The following SERPINI1 variants were observed in gnomAD, a reference collection of about 807,000 sequenced individuals.
SERPINI1 encodes neuroserpin.
SERPINI1 carries 19 observed loss-of-function variants against 41.1 expected under a neutral mutation model. That is an observed-to-expected ratio of 0.46 (90% CI 0.32 to 0.68). The LOEUF (loss-of-function observed/expected upper bound fraction) is 0.68. SERPINI1 is among the 30% of genes least tolerant of loss of function. The pLI is 0.03. For missense variants in SERPINI1, 460 were observed against 479.2 expected (o/e 0.96, Z 0.37); for synonymous variants, 138 against 156.6 (o/e 0.88, Z 0.89).
rs556987300 is a variant in SERPINI1, at chr3:167,780,844, C to G, written c.-18-8267C>G. ...AGGAAAACTACTGTGAGAGGCAGGACCAATGGAAACAATTCAACTGAGCGA... is the reference window on the plus strand; with the variant it reads ...AGGAAAACTACTGTGAGAGGCAGGAGCAATGGAAACAATTCAACTGAGCGA... On this transcript the variant is annotated intron_variant, in intron 1 of 8. Coordinates refer to ENST00000446050, the MANE Select transcript of SERPINI1 (RefSeq NM_001122752.2). Among the ~76,000 whole-genome samples, 5 of 152,128 alleles carry G rather than the reference C, an allele frequency of 3.3e-5. No individual in the cohort carries two copies. The South Asian group carries it at 6.2e-4, about 19-fold the overall frequency.
intron 1 of SERPINI1, among the ~76,000 whole-genome samples, chr3:167,771,952 T>G (rs1373072922): frequency 6.6e-6 from 1 of 152,230 alleles, no homozygotes; most frequent in Non-Finnish European, 1.5e-5. Flanking sequence ...CCTCTAAATA[T>G]CATCCAACAT....
chr3:167,808,274 T>C (rs896107654), intron 6 of SERPINI1, among the ~76,000 whole-genome samples: 2 of 123,718 alleles, frequency 1.6e-5, no homozygotes, highest in Non-Finnish European at 3.4e-5. Flanking sequence ...TCAAATACCC[T>C]ATTTTTTTCA....
intron 1 of SERPINI1, among the ~76,000 whole-genome samples, chr3:167,751,565 GA>G (rs1450948572): frequency 6.6e-6 from 1 of 152,090 alleles, no homozygotes; most frequent in Non-Finnish European, 1.5e-5. Context: ...TAAGCCAGAT[GA>G]AAAATTTGAG....
At chr3:167,747,481 G>A (rs954795740) in intron 1 of SERPINI1, among the ~76,000 whole-genome samples, 24 of 152,050 alleles carry the variant, frequency 1.6e-4, no homozygotes, top group African/African-American at 5.6e-4. Flanking sequence ...TGTTTCTACT[G>A]AAAATACAGA....
chr3:167,756,461 CTTTGTT>C (rs1046079109), intron 1 of SERPINI1, among the ~76,000 whole-genome samples: 11 of 152,118 alleles, frequency 7.2e-5, no homozygotes, highest in South Asian at 2.1e-4. Context: ...CCACATTCAT[CTTTGTT>C]TTTGTTTTTG....
At chr3:167,769,007 T>G (rs1241076447) in intron 1 of SERPINI1, among the ~76,000 whole-genome samples, 1 of 151,862 alleles carries the variant, frequency 6.6e-6, no homozygotes, top group Non-Finnish European at 1.5e-5. Flanking sequence ...TTTGTTTGTT[T>G]GTTTTGAGAT....
At chr3:167,823,884 A>G (rs1252413671) in intron 7 of SERPINI1, among the ~76,000 whole-genome samples, 2 of 152,196 alleles carry the variant, frequency 1.3e-5, no homozygotes, top group Admixed American at 1.3e-4. Context: ...CAGCAAGTAT[A>G]TATCATCTTA....
In SERPINI1 at chr3:167,769,239, G is replaced by A. The variant is rs371168766; in HGVS notation, c.-18-19872G>A. ...AATCTCTTGACCTTGTGATCCACCCGCCTTGGCCTCTCAAAGTGCTGGGAT... is the reference window on the plus strand; with the variant it reads ...AATCTCTTGACCTTGTGATCCACCCACCTTGGCCTCTCAAAGTGCTGGGAT... On this transcript the variant is annotated intron_variant, in intron 1 of 8. Coordinates refer to ENST00000446050, the MANE Select transcript of SERPINI1 (RefSeq NM_001122752.2). Among the ~76,000 whole-genome samples, 81 of 152,136 alleles carry A rather than the reference G, an allele frequency of 5.3e-4. 1 individual carries two copies. The highest frequency in any genetic ancestry group is 2.3e-3 in the South Asian group (11 of 4,820).
At chr3:167,762,803 A>G (rs1412757020) in intron 1 of SERPINI1, among the ~76,000 whole-genome samples, 2 of 151,972 alleles carry the variant, frequency 1.3e-5, no homozygotes, top group Non-Finnish European at 2.9e-5. Context: ...TCACATTCTA[A>G]TATTCTACAT....
At chr3:167,779,526 C>T (rs917772775) in intron 1 of SERPINI1, among the ~76,000 whole-genome samples, 4 of 152,166 alleles carry the variant, frequency 2.6e-5, no homozygotes, top group African/African-American at 9.7e-5. Context: ...TTTTCTACAA[C>T]ATAGAGAGTT....
chr3:167,738,661 T>G (rs1238385680), intron 1 of SERPINI1, among the ~76,000 whole-genome samples: 3 of 151,908 alleles, frequency 2.0e-5, no homozygotes, highest in Non-Finnish European at 2.9e-5. Flanking sequence ...TAAGTAAAAT[T>G]GAATATTCAA....
chr3:167,798,515 A>G (rs989497080), intron 5 of SERPINI1, among the ~76,000 whole-genome samples: 1 of 152,192 alleles, frequency 6.6e-6, no homozygotes, highest in Non-Finnish European at 1.5e-5. Flanking sequence ...GTAATGATTT[A>G]TGTGACCCAT....
intron 1 of SERPINI1, among the ~76,000 whole-genome samples, chr3:167,758,412 G>A (rs979371517): frequency 3.3e-5 from 5 of 152,074 alleles, no homozygotes; most frequent in East Asian, 1.9e-4. Context: ...AAATAATTTC[G>A]ATACATAAGT....
intron 6 of SERPINI1, among the ~76,000 whole-genome samples, chr3:167,816,017 A>C (rs1161535166): frequency 6.6e-6 from 1 of 152,058 alleles, no homozygotes. Flanking sequence ...TTATTGTCTT[A>C]TGTTTTATTT....
rs772917469 is a variant in SERPINI1, at chr3:167,794,813, A to T, written c.870A>T (p.Val290=). 6.2e-7 allele frequency: 1 copy of T among 1,612,944 alleles called. No homozygotes were observed. Among genetic ancestry groups the T allele is most frequent in the Non-Finnish European group, 8.5e-7 (1 of 1,179,700 alleles). The change falls in exon 5 of 9, where the codon GTA becomes GTT. Residue 290 remains valine, a synonymous_variant. Coordinates refer to ENST00000446050, the MANE Select transcript of SERPINI1 (RefSeq NM_001122752.2). ...CTGTGAAGAAGCAAAAAGTAGAAGT[A>T]TACCTGCCCAGGTATGAGGTTCCTG... The part of the protein sequence containing the change: ...ANSVKKQKVE[V]YLPRFTVEQE...
At chr3:167,781,537 A>C (rs1267553028) in intron 1 of SERPINI1, among the ~76,000 whole-genome samples, 2 of 151,464 alleles carry the variant, frequency 1.3e-5, no homozygotes, top group Non-Finnish European at 2.9e-5. Context: ...AGGAATTACT[A>C]GTCCTTTACA....
chr3:167,773,560 C>T (rs191858577), intron 1 of SERPINI1, among the ~76,000 whole-genome samples: 2 of 152,230 alleles, frequency 1.3e-5, no homozygotes, highest in Non-Finnish European at 2.9e-5. Flanking sequence ...TTTGATAGAG[C>T]CTTTTTAAAA....
chr3:167,816,041 A>G (rs887604108), intron 6 of SERPINI1, among the ~76,000 whole-genome samples: 2 of 152,082 alleles, frequency 1.3e-5, no homozygotes, highest in African/African-American at 4.8e-5. Context: ...ACAAGAATAA[A>G]CTTAAAAAGA....
chr3:167,815,748 G>A (rs1712060313), intron 6 of SERPINI1, among the ~76,000 whole-genome samples: 2 of 152,090 alleles, frequency 1.3e-5, no homozygotes, highest in Non-Finnish European at 2.9e-5. Flanking sequence ...TTTTCTGAAG[G>A]CTGATTGTCT....
Sources: gnomAD v4.1 joint callset for allele counts (sites outside exome capture counted in the v4.1 genomes callset) on GRCh38, gnomAD v4.1.1 for gene constraint, MANE v1.5 for transcripts, NCBI Gene and HGNC (gene_info 2026-07-23, HGNC 2026-07-21) for gene names.